ATP10A: variants seen among roughly 807,000 people sequenced by gnomAD.
ATP10A encodes the protein ATPase phospholipid transporting 10A (putative), also known as phospholipid-transporting ATPase VA.
A neutral mutation model predicts 147.8 loss-of-function variants in ATP10A; 111 were observed. That is an observed-to-expected ratio of 0.75 (90% CI 0.64 to 0.88). The LOEUF is 0.88. ATP10A is among the 40% of genes least tolerant of loss of function. The probability of loss-of-function intolerance (pLI) is 0.00; values close to 1 mark genes in which losing one functional copy is unlikely to be tolerated. For missense variants in ATP10A, 1,927 were observed against 1,959.0 expected, an observed-to-expected ratio of 0.98 and a Z score of 0.31; for synonymous variants, 875 against 841.6, an observed-to-expected ratio of 1.04 and a Z score of -0.69.
rs542958488 is a variant in ATP10A at position 25,760,086 on chromosome 15, C to T, written c.654+20933G>A. Among the ~76,000 whole-genome samples, 12 of 152,122 alleles carry T rather than the reference C, an allele frequency of 7.9e-5. No homozygotes were observed. In the East Asian group the frequency reaches 2.1e-3, roughly 27 times the overall value. ...GGTTCAAGCAATTCTCCTGCCTCAG[C>T]CTCCCTGAGTAGCTATGTAATTTAA... is the stretch of plus-strand genomic sequence containing the variant. On this transcript the variant is annotated intron_variant, in intron 2 of 20. Transcript: ENST00000555815.
chr15:25,729,638 G>A (rs987645115), intron 3 of ATP10A, among the ~76,000 whole-genome samples: 1 of 152,136 alleles, frequency 6.6e-6, no homozygotes, highest in African/African-American at 2.4e-5. Context: ...GCCCACAGAA[G>A]GGGTGGCTTC....
chr15:25,678,405 A>G (rs1052258263), downstream of ATP10A: 1 of 152,086 alleles, frequency 6.6e-6, no homozygotes, highest in South Asian at 2.1e-4. Context: ...GGCTCGGAAG[A>G]TGACATGCCA....
intron 12 of ATP10A, among the ~76,000 whole-genome samples, chr15:25,705,042 G>T (rs911419053): frequency 1.3e-5 from 2 of 152,188 alleles, no homozygotes; most frequent in Non-Finnish European, 2.9e-5. Context: ...TTTGAATTTA[G>T]GTTCCTGCCC....
At chr15:25,708,489 A>C in intron 10 of ATP10A, 189 bp from the exon 11 acceptor site, 1 of 518,620 alleles carries the variant, frequency 1.9e-6, no homozygotes, top group Non-Finnish European at 3.4e-6. Flanking sequence ...TGACTGTTTT[A>C]TTTTATTTTT....
At chr15:25,798,129 G>GC (rs1890768706) in intron 1 of ATP10A, among the ~76,000 whole-genome samples, 1 of 152,156 alleles carries the variant, frequency 6.6e-6, no homozygotes, top group Non-Finnish European at 1.5e-5. Context: ...CATCACTGGA[G>GC]TTAAGGAGCT....
chr15:25,721,724 C>G lies in ATP10A; in HGVS notation c.1296G>C (p.Leu432Phe). ...TTCGGAAAACCATCTTATTCTCTGT[C>G]AAAGTGCCAGTTTTATCTGAGAAAA... ...QYIFSDKTGT[L>F]TENKMVFRRC... The change falls in exon 7 of 21, where the codon TTG (leucine) becomes TTC (phenylalanine). Residue 432 changes from leucine (L) to phenylalanine (F), a missense_variant. Transcript: ENST00000555815. 6 of 1,614,146 alleles carry G rather than the reference C, an allele frequency of 3.7e-6. No individual in the cohort carries two copies. The highest frequency in any genetic ancestry group is 5.1e-6 in the Non-Finnish European group (6 of 1,180,020).
chr15:25,826,992 G>C (rs1022402454), intron 1 of ATP10A, among the ~76,000 whole-genome samples: 6 of 152,110 alleles, frequency 3.9e-5, no homozygotes, highest in African/African-American at 1.2e-4. Flanking sequence ...GTAATGAACA[G>C]AAAGAATCTG....
chr15:25,859,103 G>A (rs1394702305), intron 1 of ATP10A, among the ~76,000 whole-genome samples: 1 of 152,144 alleles, frequency 6.6e-6, no homozygotes, highest in Non-Finnish European at 1.5e-5. Context: ...TCTTCTGATA[G>A]GAGATCTCTG....
intron 10 of ATP10A, chr15:25,710,551 T>G (rs1901347166): frequency 6.6e-6 from 1 of 152,168 alleles, no homozygotes; most frequent in Non-Finnish European, 1.5e-5. Context: ...GGGTAGCCTC[T>G]CTTCATGATT....
At chr15:25,736,579 T>G (rs59392869) in intron 2 of ATP10A, among the ~76,000 whole-genome samples, 14,180 of 152,196 alleles carry the variant, frequency 0.093, 1,481 homozygotes, top group East Asian at 0.25. Flanking sequence ...TACATGATCT[T>G]CATGGATCTT....
chr15:25,713,682 C>T lies in ATP10A; in HGVS notation c.2336G>A (p.Cys779Tyr). The T allele has an allele frequency of 6.2e-7, 1 of 1,613,736 alleles. No homozygotes were observed. Among genetic ancestry groups the T allele is most frequent in the Non-Finnish European group, 8.5e-7 (1 of 1,179,872 alleles). ...DSVVMDLLQP[C>Y]SSVDARGRHQ... ...GGCAGGGGTGGGAGTACCTGAAGAG[C>T]AGGGCTGCAGGAGATCCATGACCAC... The change falls in exon 10 of 21, where the codon TGC (cysteine) becomes TAC (tyrosine). Residue 779 changes from cysteine to tyrosine, a missense_variant. Cys to Tyr is a radical substitution (Grantham distance 194). Transcript: ENST00000555815.
intron 2 of ATP10A, among the ~76,000 whole-genome samples, chr15:25,752,541 G>A (rs976002443): frequency 6.6e-6 from 1 of 152,182 alleles, no homozygotes; most frequent in African/African-American, 2.4e-5. Flanking sequence ...ATCTCAGGTA[G>A]ACCACACTGT....
intron 6 of ATP10A, among the ~76,000 whole-genome samples, chr15:25,722,845 A>G (rs979759692): frequency 1.3e-5 from 2 of 151,922 alleles, no homozygotes; most frequent in African/African-American, 4.8e-5. Context: ...GGACTCTGGG[A>G]CCCTCCCCAC....
chr15:25,718,197 G>A lies in ATP10A; in HGVS notation c.1566C>T (p.Ala522=), dbSNP rs1276210501. The A allele has an allele frequency of 3.1e-6, 5 of 1,612,890 alleles. No individual in the cohort carries two copies. Among genetic ancestry groups the A allele is most frequent in the Non-Finnish European group, 4.2e-6 (5 of 1,179,958 alleles). The change falls in exon 8 of 21, where the codon GCC becomes GCT. Residue 522 remains alanine, a synonymous_variant. Transcript: ENST00000555815. ...KRASMLSKHT[A]FSSPMEKDIT... ...GTACACTCACCATGGGGCTGCTGAA[G>A]GCCGTGTGCTTGGACAGCATGCTGG...
chr15:25,722,205 A>G (rs954356569), intron 6 of ATP10A, among the ~76,000 whole-genome samples: 14 of 152,126 alleles, frequency 9.2e-5, no homozygotes, highest in Admixed American at 6.5e-4. Flanking sequence ...TGCTTGAGAG[A>G]AGCTAGGACA....
chr15:25,751,905 T>A (rs184542991), intron 2 of ATP10A, among the ~76,000 whole-genome samples: 10 of 152,156 alleles, frequency 6.6e-5, no homozygotes, highest in Admixed American at 6.5e-5. Context: ...AAAAGACATA[T>A]GAAAAAATGC....
chr15:25,777,660 G>T (rs1262920510), intron 2 of ATP10A, among the ~76,000 whole-genome samples: 1 of 151,934 alleles, frequency 6.6e-6, no homozygotes, highest in Non-Finnish European at 1.5e-5. Flanking sequence ...GAGTGCAGTG[G>T]CATGATCACA....
chr15:25,795,119 A>G (rs1398188889), intron 1 of ATP10A, among the ~76,000 whole-genome samples: 1 of 152,132 alleles, frequency 6.6e-6, no homozygotes, highest in Non-Finnish European at 1.5e-5. Flanking sequence ...CTTTGGGAAA[A>G]TTGTGTAGGT....
At chr15:25,829,951 T>C (rs1892282557) in intron 1 of ATP10A, among the ~76,000 whole-genome samples, 1 of 152,180 alleles carries the variant, frequency 6.6e-6, no homozygotes, top group Non-Finnish European at 1.5e-5. Context: ...GGAATCACTT[T>C]GGCCATTGGG....
Sources: allele counts gnomAD v4.1 joint callset (sites outside exome capture counted in the v4.1 genomes callset), GRCh38; gene constraint gnomAD v4.1.1; transcripts MANE v1.5; gene names NCBI Gene and HGNC (gene_info 2026-07-23, HGNC 2026-07-21).